ELK4: variants seen among roughly 807,000 people sequenced by gnomAD.
ELK4 encodes ETS transcription factor ELK4.
ELK4 carries 16 observed loss-of-function variants against 29.6 expected under a neutral mutation model. The ratio of observed to expected loss-of-function variants is 0.54; its 90% CI spans 0.37 to 0.82. The LOEUF (loss-of-function observed/expected upper bound fraction) is 0.82. ELK4 is among the 40% of genes least tolerant of loss of function. The pLI is 0.00. For missense variants in ELK4, 465 were observed against 507.1 expected (o/e 0.92, Z 0.80); for synonymous variants, 213 against 191.1 (o/e 1.11, Z -0.95).
intron 1 of ELK4, 119 bp downstream of exon 1, chr1:205,631,507 GCCCGGC>G (rs151185582): frequency 0.14 from 20,254 of 149,720 alleles, 1,798 homozygotes; most frequent in East Asian, 0.33. Context: ...GAGCGCGCGC[GCCCGGC>G]CCCGGCCCCC....
intron 1 of ELK4, among the ~76,000 whole-genome samples, chr1:205,629,447 C>T (rs969739463): frequency 6.6e-6 from 1 of 152,094 alleles, no homozygotes; most frequent in Non-Finnish European, 1.5e-5. Context: ...GAGAGCTGGC[C>T]GGGCACAGTG....
At chr1:205,627,585 C>T (rs1670491175) in intron 1 of ELK4, among the ~76,000 whole-genome samples, 2 of 151,788 alleles carry the variant, frequency 1.3e-5, no homozygotes, top group Non-Finnish European at 2.9e-5. Context: ...CATATTACAC[C>T]TAAGGAGGTG....
In ELK4 at chr1:205,611,089, C is replaced by G; in HGVS notation, c.*5457G>C. Reference sequence around the variant, plus strand: ...AAAGCTTAGAGCCAGTATTTCCCCTCTCATACAAACCACTCTGGATTTTCA... The same window carrying G: ...AAAGCTTAGAGCCAGTATTTCCCCTGTCATACAAACCACTCTGGATTTTCA... On this transcript the variant is annotated 3_prime_UTR_variant, in exon 5 of 5. Coordinates refer to ENST00000357992, the MANE Select transcript of ELK4 (RefSeq NM_001973.4). 1 of 216,330 alleles carries G rather than the reference C, an allele frequency of 4.6e-6. No homozygotes were observed. Among genetic ancestry groups the G allele is most frequent in the Non-Finnish European group, 9.3e-6 (1 of 107,428 alleles). The allele number at this position is 216,330 out of a possible 1,614,324, so 13.4% of individuals were successfully genotyped here. A position where few individuals can be genotyped will look rare whatever the true frequency, so the allele number is the denominator to read the frequency against.
In ELK4 at chr1:205,611,397, T is replaced by C. The variant is rs1487959226; in HGVS notation, c.*5149A>G. Reference sequence around the variant, plus strand: ...ACCACAAGAATTCTAGATCCTAAGATTAAACTTCAACTTCAGTAAGCAGAG... The same window carrying C: ...ACCACAAGAATTCTAGATCCTAAGACTAAACTTCAACTTCAGTAAGCAGAG... On this transcript the variant is annotated 3_prime_UTR_variant, in exon 5 of 5. Coordinates refer to ENST00000357992, the MANE Select transcript of ELK4 (RefSeq NM_001973.4). The C allele has an allele frequency of 9.4e-6, 2 of 211,646 alleles. No individual in the cohort carries two copies. The highest frequency in any genetic ancestry group is 1.9e-5 in the Non-Finnish European group (2 of 104,508). 13.1% of individuals were successfully genotyped at this position (211,646 alleles called of 1,614,324 possible).
chr1:205,619,111 T>G, intron 3 of ELK4, 38 bp from the exon 4 acceptor site: 1 of 1,461,814 alleles, frequency 6.8e-7, no homozygotes, highest in Non-Finnish European at 9.2e-7. Flanking sequence ...CTGACTGACT[T>G]ACCAGGATGT....
rs1183762449 is a variant in ELK4 at position 205,613,180 on chromosome 1, G to T, written c.*3366C>A. 5.0e-6 allele frequency: 1 copy of T among 198,172 alleles called. No individual in the cohort carries two copies. Among genetic ancestry groups the T allele is most frequent in the Non-Finnish European group, 1.0e-5 (1 of 95,948 alleles). The allele number at this position is 198,172 out of a possible 1,614,324, so 12.3% of individuals were successfully genotyped here. On this transcript the variant is annotated 3_prime_UTR_variant, in exon 5 of 5. Transcript: ENST00000357992. Reference sequence around the variant, plus strand: ...ACTGTGACAAACCATTAATAAAGAAGGATTACTAAGCCAGGTGTGGTGGTG... The same window carrying T: ...ACTGTGACAAACCATTAATAAAGAATGATTACTAAGCCAGGTGTGGTGGTG...
At chr1:205,623,027 G>A (rs1186892511) in intron 2 of ELK4, among the ~76,000 whole-genome samples, 2 of 151,612 alleles carry the variant, frequency 1.3e-5, no homozygotes, top group Non-Finnish European at 2.9e-5. Context: ...GCGTGGTGGT[G>A]GCCACCTGTA....
intron 3 of ELK4, chr1:205,619,279 T>G: frequency 9.5e-7 from 1 of 1,051,842 alleles, no homozygotes; most frequent in East Asian, 4.3e-5. Context: ...TAAAATTTTT[T>G]AAATTTTTAT....
Position 205,612,222 on chromosome 1 carries a change from A to G in ELK4, c.*4324T>C. 4.9e-6 allele frequency: 1 copy of G among 204,036 alleles called. No homozygotes were observed. The highest frequency in any genetic ancestry group is 7.6e-5 in the East Asian group (1 of 13,168). The allele number at this position is 204,036 out of a possible 1,614,324, so 12.6% of individuals were successfully genotyped here. ...AGTTGACAATAAGCTCTCCTGAAAAACTCCAAATCTCTAGGATTTCTCCAT... is the reference window on the plus strand; with the variant it reads ...AGTTGACAATAAGCTCTCCTGAAAAGCTCCAAATCTCTAGGATTTCTCCAT... On this transcript the variant is annotated 3_prime_UTR_variant, in exon 5 of 5. Coordinates refer to ENST00000357992, the MANE Select transcript of ELK4 (RefSeq NM_001973.4).
chr1:205,624,038 G>A lies in ELK4; in HGVS notation c.-9-147C>T, dbSNP rs1571503228. On this transcript the variant is annotated intron_variant, in intron 1 of 4. Transcript: ENST00000357992. The stretch of plus-strand genomic sequence containing the variant: ...AGATACTACTGCATCCTCATTTTAC[G>A]TAAGAAAAAACTGATTCATAAGAGG... 1.5e-5 allele frequency: 11 copies of A among 729,910 alleles called. No individual in the cohort carries two copies. The East Asian group carries it at 1.6e-4, about 11-fold the overall frequency. 45.2% of individuals were successfully genotyped at this position (729,910 alleles called of 1,614,324 possible).
rs575701992 is a variant in ELK4, at chr1:205,625,156, C to T, written c.-9-1265G>A. ...ACTACAAGAACAGATCAAAACTGGA[C>T]TACAACAAAATTTAAAATTGTTGTG... On this transcript the variant is annotated intron_variant, in intron 1 of 4. Coordinates refer to ENST00000357992, the MANE Select transcript of ELK4 (RefSeq NM_001973.4). 3.9e-5 allele frequency among the ~76,000 whole-genome samples: 6 copies of T among 152,210 alleles called. No homozygotes were observed. In the South Asian group the frequency reaches 1.2e-3, roughly 32 times the overall value.
Position 205,615,767 on chromosome 1 carries a change from G to T in ELK4, c.*779C>A. 1 of 210,414 alleles carries T rather than the reference G, an allele frequency of 4.8e-6. No homozygotes were observed. The highest frequency in any genetic ancestry group is 9.6e-6 in the Non-Finnish European group (1 of 103,792). The allele number at this position is 210,414 out of a possible 1,614,324, so 13.0% of individuals were successfully genotyped here. On this transcript the variant is annotated 3_prime_UTR_variant, in exon 5 of 5. Transcript: ENST00000357992. The stretch of plus-strand genomic sequence containing the variant: ...CACCCAGAGGGCAAAGAGCATTTCT[G>T]TGCTAGATGTGAGGTCCCATATTCT...
intron 4 of ELK4, among the ~76,000 whole-genome samples, chr1:205,618,285 C>G (rs751760287): frequency 3.3e-5 from 5 of 152,054 alleles, no homozygotes; most frequent in Admixed American, 6.5e-5. Flanking sequence ...CCTGCCTCGG[C>G]CTACCAAAGC....
At chr1:205,631,449 T>TCCACCTGTGCGCCGCGGTGC (rs1670585022) in intron 1 of ELK4, among the ~76,000 whole-genome samples, 183 bp downstream of exon 1, 2 of 150,768 alleles carry the variant, frequency 1.3e-5, no homozygotes, top group Non-Finnish European at 3.0e-5. Flanking sequence ...CGCTGCGGCG[T>TCCACCTGTGCGCCGCGGTGC]CCACCTGTGC....
rs969839305 is a variant in ELK4 at position 205,608,101 on chromosome 1, T to A, written c.*8445A>T. The A allele has an allele frequency of 2.7e-5, 5 of 184,076 alleles. No individual in the cohort carries two copies. The highest frequency in any genetic ancestry group is 5.8e-5 in the Non-Finnish European group (5 of 86,722). 11.4% of individuals were successfully genotyped at this position (184,076 alleles called of 1,614,324 possible). On this transcript the variant is annotated 3_prime_UTR_variant, in exon 5 of 5. Transcript: ENST00000357992. ...GCATTATACAAAGCAAATTCCTCTGTCAGTTCTTACATAAAATAGATTTTT... is the reference window on the plus strand; with the variant it reads ...GCATTATACAAAGCAAATTCCTCTGACAGTTCTTACATAAAATAGATTTTT...
At chr1:205,623,164 A>C (rs1202039743) in intron 2 of ELK4, among the ~76,000 whole-genome samples, 1 of 151,262 alleles carries the variant, frequency 6.6e-6, no homozygotes, top group Non-Finnish European at 1.5e-5. Context: ...TCTCAAAAAA[A>C]AAAAAAAAAA....
At chr1:205,629,045 G>C (rs1670521029) in intron 1 of ELK4, among the ~76,000 whole-genome samples, 1 of 151,830 alleles carries the variant, frequency 6.6e-6, no homozygotes, top group African/African-American at 2.4e-5. Flanking sequence ...GTGGTGGCGG[G>C]TGCCTGTAGT....
intron 1 of ELK4, among the ~76,000 whole-genome samples, chr1:205,628,229 T>C (rs1410823890): frequency 1.3e-5 from 2 of 152,250 alleles, no homozygotes; most frequent in Non-Finnish European, 2.9e-5. Flanking sequence ...AGGGATTCCC[T>C]GTTATGTCTC....
rs139922297 is a variant in ELK4 at position 205,612,649 on chromosome 1, A to G, written c.*3897T>C. 9.6e-6 allele frequency: 2 copies of G among 209,418 alleles called. No homozygotes were observed. The highest frequency in any genetic ancestry group is 9.7e-6 in the Non-Finnish European group (1 of 103,034). 13.0% of individuals were successfully genotyped at this position (209,418 alleles called of 1,614,324 possible). On this transcript the variant is annotated 3_prime_UTR_variant, in exon 5 of 5. Coordinates refer to ENST00000357992, the MANE Select transcript of ELK4 (RefSeq NM_001973.4). ...AAATGTGCTTACATTCACCAAAAACATAAAAGGACACCTTTAAGAACTTAA... is the reference window on the plus strand; with the variant it reads ...AAATGTGCTTACATTCACCAAAAACGTAAAAGGACACCTTTAAGAACTTAA...
Sources: gnomAD v4.1 joint callset for allele counts (sites outside exome capture counted in the v4.1 genomes callset) on GRCh38, gnomAD v4.1.1 for gene constraint, MANE v1.5 for transcripts, NCBI Gene and HGNC (gene_info 2026-07-23, HGNC 2026-07-21) for gene names.